Variants in FANCL observed in about 807,000 individuals in gnomAD.
FANCL encodes the protein FA complementation group L.
FANCL carries 69 observed loss-of-function variants against 59.4 expected under a neutral mutation model. That is an observed-to-expected ratio of 1.16 (90% CI 0.96 to 1.42). The LOEUF is 1.42. Ranked by LOEUF, FANCL falls within the 40% of genes most tolerant of loss-of-function variation. The pLI, the probability that FANCL is intolerant of heterozygous loss-of-function variation, is 0.00. For missense variants in FANCL, 519 were observed against 447.2 expected (o/e 1.16, Z -1.45); for synonymous variants, 180 against 147.1 (o/e 1.22, Z -1.62).
chr2:58,160,156 AC>A lies in FANCL; in HGVS notation c.1043del (p.Ser348IlefsTer21). The A allele has an allele frequency of 6.2e-7, 1 of 1,612,908 alleles. No homozygotes were observed. The highest frequency in any genetic ancestry group is 8.5e-7 in the Non-Finnish European group (1 of 1,179,106). On this transcript the variant is annotated frameshift_variant, in exon 13 of 14. Transcript: ENST00000233741. LOFTEE classifies it high-confidence loss of function. ...CAAATATGATGTTAAAACTCTGTCT[AC>A]TAGTTAGTAGTCCTCTCAGCCACTG... Reference protein sequence around the residue: ...LYEWLRGLLTSRQSFNIIFGE... With the variant: ...LYEWLRGLLTXRQSFNIIFGE...
chr2:58,207,588 G>A (rs72948861), intron 5 of FANCL, among the ~76,000 whole-genome samples: 1 of 152,096 alleles, frequency 6.6e-6, no homozygotes, highest in Non-Finnish European at 1.5e-5. Context: ...TTCAACTACT[G>A]AGGATTTACA....
chr2:58,205,446 CA>C (rs1239162353), intron 5 of FANCL, among the ~76,000 whole-genome samples: 3 of 151,580 alleles, frequency 2.0e-5, no homozygotes, highest in African/African-American at 7.3e-5. Flanking sequence ...GCTTCACCTC[CA>C]AAAAAAATTA....
chr2:58,197,608 A>G (rs1444569581), intron 7 of FANCL, among the ~76,000 whole-genome samples: 10 of 152,160 alleles, frequency 6.6e-5, no homozygotes, highest in Non-Finnish European at 1.5e-4. Flanking sequence ...TTTACAGTGC[A>G]CTTCTAAAAA....
chr2:58,192,293 G>A (rs529518507), intron 7 of FANCL, among the ~76,000 whole-genome samples: 4 of 151,730 alleles, frequency 2.6e-5, no homozygotes, highest in Non-Finnish European at 5.9e-5. Context: ...AAACTATAGC[G>A]ATATAATATC....
At chr2:58,162,147 C>T (rs1685282759) in intron 11 of FANCL, among the ~76,000 whole-genome samples, 1 of 151,880 alleles carries the variant, frequency 6.6e-6, no homozygotes, top group Non-Finnish European at 1.5e-5. Context: ...TACTAAACAG[C>T]ACAATTCTGT....
chr2:58,221,690 C>T (rs1392682670), intron 5 of FANCL, among the ~76,000 whole-genome samples: 3 of 152,098 alleles, frequency 2.0e-5, no homozygotes, highest in Admixed American at 1.3e-4. Flanking sequence ...GTGAAAGTAT[C>T]TATTACGGTA....
rs190702997 is a variant in FANCL, at chr2:58,226,909, A to C, written c.217-125T>G. 2.1e-5 allele frequency: 16 copies of C among 779,852 alleles called. No individual in the cohort carries two copies. The East Asian group carries it at 4.3e-4, about 21-fold the overall frequency. The allele number at this position is 779,852 out of a possible 1,614,324, so 48.3% of individuals were successfully genotyped here. On this transcript the variant is annotated intron_variant, in intron 3 of 13. Transcript: ENST00000233741. ...TTAGCTATATCTACATCTGAAAACT[A>C]TAAGAAATGAAGTATCGGTCATCAA...
rs1239327825 is a variant in FANCL, at chr2:58,204,221, A to G, written c.380T>C (p.Val127Ala). ...GGTACTGAAGCAGGTATCCGCATAC[A>G]CAAGTCTGGTGAGCAGAGGAGAATA... ...EIGTLGWDKL[V>A]YADTCFSTIK... The change falls in exon 6 of 14, where the codon GTG (valine) becomes GCG (alanine). Residue 127 changes from valine (V) to alanine (A), a missense_variant. Val to Ala is a moderately conservative substitution (Grantham distance 64, BLOSUM62 0). Transcript: ENST00000233741. 11 of 1,612,624 alleles carry G rather than the reference A, an allele frequency of 6.8e-6. No homozygotes were observed. Among genetic ancestry groups the G allele is most frequent in the African/African-American group, 1.3e-5 (1 of 75,010 alleles).
chr2:58,170,810 A>C (rs1686522542), intron 7 of FANCL, among the ~76,000 whole-genome samples: 1 of 152,216 alleles, frequency 6.6e-6, no homozygotes, highest in African/African-American at 2.4e-5. Flanking sequence ...GATCAATGCA[A>C]CAAGGAGAGC....
At chr2:58,170,431 C>G (rs182314097) in intron 7 of FANCL, among the ~76,000 whole-genome samples, 1 of 152,230 alleles carries the variant, frequency 6.6e-6, no homozygotes, top group Non-Finnish European at 1.5e-5. Flanking sequence ...ACTGCAAAAA[C>G]ATACGAAAAT....
intron 5 of FANCL, among the ~76,000 whole-genome samples, chr2:58,212,554 A>G (rs955921874): frequency 1.2e-4 from 19 of 152,208 alleles, no homozygotes; most frequent in African/African-American, 4.1e-4. Context: ...ATGCATGATA[A>G]GCTACTCAAA....
At chr2:58,175,761 T>C (rs1243735109) in intron 7 of FANCL, among the ~76,000 whole-genome samples, 4 of 152,076 alleles carry the variant, frequency 2.6e-5, no homozygotes, top group Non-Finnish European at 5.9e-5. Context: ...CTATTCAACA[T>C]AGTGTTGGAA....
intron 5 of FANCL, among the ~76,000 whole-genome samples, chr2:58,219,613 T>C (rs116077643): frequency 0.016 from 2,450 of 152,076 alleles, 93 homozygotes; most frequent in African/African-American, 0.057. Flanking sequence ...GTCACAGAGA[T>C]AACATGTACC....
chr2:58,219,171 A>AAAT (rs1558810201), intron 5 of FANCL, among the ~76,000 whole-genome samples: 3 of 19,260 alleles, frequency 1.6e-4, no homozygotes, highest in Non-Finnish European at 2.7e-4. Flanking sequence ...AAAAAAAAAA[A>AAAT]ATATATATAT....
intron 5 of FANCL, among the ~76,000 whole-genome samples, chr2:58,219,327 A>G (rs968402412): frequency 1.3e-5 from 2 of 151,198 alleles, no homozygotes; most frequent in African/African-American, 4.9e-5. Flanking sequence ...AAAGTATAAA[A>G]TAAATATCCA....
At chr2:58,168,414 T>C (rs985746489) in intron 7 of FANCL, among the ~76,000 whole-genome samples, 6 of 152,164 alleles carry the variant, frequency 3.9e-5, no homozygotes, top group African/African-American at 1.4e-4. Context: ...TGGTGCACTC[T>C]GGCCCAGATA....
intron 5 of FANCL, among the ~76,000 whole-genome samples, chr2:58,205,978 T>C (rs930258765): frequency 6.6e-6 from 1 of 152,146 alleles, no homozygotes; most frequent in Non-Finnish European, 1.5e-5. Flanking sequence ...GTTACAATTT[T>C]TAGAATCCAA....
At chr2:58,215,641 G>A (rs1207802958) in intron 5 of FANCL, among the ~76,000 whole-genome samples, 1 of 151,718 alleles carries the variant, frequency 6.6e-6, no homozygotes, top group African/African-American at 2.4e-5. Flanking sequence ...TATCAATTCT[G>A]GCACAGGGCA....
At chr2:58,228,892 G>A (rs374507719) in intron 3 of FANCL, among the ~76,000 whole-genome samples, 3 of 152,144 alleles carry the variant, frequency 2.0e-5, no homozygotes, top group East Asian at 1.9e-4. Context: ...TTTTTCCCAT[G>A]CTATTTCAAT....
Sources: allele counts gnomAD v4.1 joint callset (sites outside exome capture counted in the v4.1 genomes callset), GRCh38; gene constraint gnomAD v4.1.1; transcripts MANE v1.5; gene names NCBI Gene and HGNC (gene_info 2026-07-23, HGNC 2026-07-21).